Variants in ARHGAP25 observed in about 807,000 individuals in gnomAD.
The protein encoded by ARHGAP25 is rho GTPase-activating protein 25.
A neutral mutation model predicts 71.0 loss-of-function variants in ARHGAP25; 34 were observed. The observed-to-expected ratio is 0.48, with a 90% CI of 0.36 to 0.64. The LOEUF is 0.64. Among genes scored for constraint, ARHGAP25 ranks in the 30% least tolerant of loss-of-function variants. ARHGAP25 has a pLI of 0.00. For synonymous variants in ARHGAP25, 282 were observed against 296.5 expected, an observed-to-expected ratio of 0.95 and a Z score of 0.50; for missense variants, 706 against 805.1, an observed-to-expected ratio of 0.88 and a Z score of 1.49.
At chr2:68,719,380 A>G (rs1429332479) in intron 2 of ARHGAP25, among the ~76,000 whole-genome samples, 1 of 148,076 alleles carries the variant, frequency 6.8e-6, no homozygotes, top group Non-Finnish European at 1.5e-5. Flanking sequence ...TCAGAACCGA[A>G]TTGAATTGTA....
intron 1 of ARHGAP25, among the ~76,000 whole-genome samples, chr2:68,744,876 A>G (rs1356838377): frequency 2.6e-5 from 4 of 152,208 alleles, no homozygotes; most frequent in Non-Finnish European, 4.4e-5. Flanking sequence ...AATTATCCCA[A>G]TCTCATTCTT....
intron 1 of ARHGAP25, among the ~76,000 whole-genome samples, chr2:68,741,287 G>T (rs531014396): frequency 6.6e-6 from 1 of 152,294 alleles, no homozygotes; most frequent in South Asian, 2.1e-4. Context: ...AATGGAGAAC[G>T]CCAGCAACTT....
At chr2:68,783,017 C>G (rs749902372) in intron 3 of ARHGAP25, among the ~76,000 whole-genome samples, 1 of 152,218 alleles carries the variant, frequency 6.6e-6, no homozygotes, top group Non-Finnish European at 1.5e-5. Flanking sequence ...CTGTACTGAC[C>G]ACAGCGGAGG....
At chr2:68,719,219 G>A (rs1429588748) in intron 2 of ARHGAP25, among the ~76,000 whole-genome samples, 1 of 152,086 alleles carries the variant, frequency 6.6e-6, no homozygotes, top group Non-Finnish European at 1.5e-5. Context: ...TCAACCCCAA[G>A]GAGAGGGTCA....
In ARHGAP25 at chr2:68,826,344, G is replaced by A; in HGVS notation, c.*150G>A. 1.3e-6 allele frequency: 1 copy of A among 778,262 alleles called. No individual in the cohort carries two copies. Among genetic ancestry groups the A allele is most frequent in the Non-Finnish European group, 2.2e-6 (1 of 452,264 alleles). 48.2% of individuals were successfully genotyped at this position (778,262 alleles called of 1,614,324 possible). On this transcript the variant is annotated 3_prime_UTR_variant, in exon 11 of 11. Transcript: ENST00000409202. The stretch of plus-strand genomic sequence containing the variant: ...CAAATTTCCCCATAAATAAATGAAT[G>A]GAGTTTGCAGGAAGGTGAGGGTGAG...
chr2:68,781,923 T>C (rs756830570), intron 2 of ARHGAP25, among the ~76,000 whole-genome samples: 1 of 152,196 alleles, frequency 6.6e-6, no homozygotes. Context: ...AGTGTCTCAT[T>C]TGGCCATCAA....
chr2:68,736,280 C>T (rs1322873288), intron 1 of ARHGAP25, among the ~76,000 whole-genome samples: 1 of 152,102 alleles, frequency 6.6e-6, no homozygotes, highest in Non-Finnish European at 1.5e-5. Context: ...ATCAGAGAAG[C>T]CATTTATCTT....
At position 68,738,839 on chromosome 2, in the gene ARHGAP25, A is replaced by G. The variant is rs966637842; in HGVS notation, c.61+3579A>G. Among the ~76,000 whole-genome samples the G allele has an allele frequency of 4.6e-5, 7 of 151,302 alleles. No individual in the cohort carries two copies. In the East Asian group the frequency reaches 1.2e-3, roughly 25 times the overall value. On this transcript the variant is annotated intron_variant, in intron 1 of 10. Transcript: ENST00000409202. ...CTGTCTCAAGAAAAAAAAAAAAAAAAGAATATGAACATGGCCTTCTGTAGA... is the reference window on the plus strand; with the variant it reads ...CTGTCTCAAGAAAAAAAAAAAAAAAGGAATATGAACATGGCCTTCTGTAGA...
At chr2:68,733,832 T>C (rs115433579), upstream of ARHGAP25, among the ~76,000 whole-genome samples, 345 of 152,346 alleles carry the variant, frequency 2.3e-3, 4 homozygotes, top group African/African-American at 8.2e-3. Flanking sequence ...AGATGCTGGC[T>C]AGCAGTGACT....
At chr2:68,741,757 AGG>A (rs1675532838) in intron 1 of ARHGAP25, among the ~76,000 whole-genome samples, 1 of 152,198 alleles carries the variant, frequency 6.6e-6, no homozygotes, top group Non-Finnish European at 1.5e-5. Context: ...TATCTAAGAA[AGG>A]TTCAAGGAAT....
At chr2:68,746,733 G>A (rs1447412530) in intron 1 of ARHGAP25, among the ~76,000 whole-genome samples, 19 of 151,982 alleles carry the variant, frequency 1.3e-4, no homozygotes, top group Middle Eastern at 3.4e-3. Context: ...AGGGCCGGGC[G>A]CGGTGGCTCA....
chr2:68,816,385 T>C (rs749330995), intron 7 of ARHGAP25, 23 bp downstream of exon 7: 8 of 1,585,318 alleles, frequency 5.0e-6, no homozygotes, highest in Admixed American at 3.3e-5. Context: ...TGGTATCAAC[T>C]CTGCAGTTTT....
intron 2 of ARHGAP25, among the ~76,000 whole-genome samples, chr2:68,719,445 A>G (rs1421951387): frequency 2.0e-5 from 3 of 150,186 alleles, no homozygotes; most frequent in Non-Finnish European, 4.5e-5. Context: ...AAAAAAAAAG[A>G]AAAAAAACCC....
intron 2 of ARHGAP25, among the ~76,000 whole-genome samples, chr2:68,727,123 C>A (rs1476698825): frequency 6.6e-6 from 1 of 152,152 alleles, no homozygotes; most frequent in Non-Finnish European, 1.5e-5. Flanking sequence ...TACAGCCATC[C>A]GGCCTATGCA....
intron 2 of ARHGAP25, among the ~76,000 whole-genome samples, chr2:68,714,403 C>A (rs1429056071): frequency 6.6e-6 from 1 of 151,936 alleles, no homozygotes; most frequent in Non-Finnish European, 1.5e-5. Context: ...GGTTAGTGGT[C>A]TATGTATTTT....
chr2:68,721,037 T>C (rs1299495853), intron 2 of ARHGAP25, among the ~76,000 whole-genome samples: 2 of 152,218 alleles, frequency 1.3e-5, no homozygotes, highest in Admixed American at 6.5e-5. Flanking sequence ...TCCCTCCTTA[T>C]GTCCCTGGAG....
At chr2:68,822,908 C>G (rs780963566) in intron 10 of ARHGAP25, 36 bp downstream of exon 10, 3 of 1,554,162 alleles carry the variant, frequency 1.9e-6, no homozygotes, top group Non-Finnish European at 2.6e-6. Context: ...AGGCACTTGG[C>G]TTCCATCTTT....
chr2:68,767,748 G>A lies in ARHGAP25; in HGVS notation c.62-7473G>A, dbSNP rs752732895. ...TTGGGGTATCAGCACAGCCTCAGTG[G>A]TGGGCTTGAGGTTTCAGTACCATTT... On this transcript the variant is annotated intron_variant, in intron 1 of 10. Transcript: ENST00000409202. This position sits in a 1 kb window ranked among gnomAD's most constrained non-coding sequence, Gnocchi z 4.6. 1.3e-4 allele frequency among the ~76,000 whole-genome samples: 20 copies of A among 152,196 alleles called. No individual in the cohort carries two copies. Among genetic ancestry groups the A allele is most frequent in the Non-Finnish European group, 2.9e-4 (20 of 68,034 alleles).
intron 2 of ARHGAP25, among the ~76,000 whole-genome samples, chr2:68,714,503 G>A (rs1229018962): frequency 6.6e-6 from 1 of 152,106 alleles, no homozygotes; most frequent in African/African-American, 2.4e-5. Flanking sequence ...TCTGATCTTA[G>A]TTATTTCTTG....
Sources: allele counts gnomAD v4.1 joint callset (sites outside exome capture counted in the v4.1 genomes callset), GRCh38; gene constraint gnomAD v4.1.1; non-coding constraint Gnocchi (gnomAD v3.1); transcripts MANE v1.5; gene names NCBI Gene and HGNC (gene_info 2026-07-23, HGNC 2026-07-21).